The following ATP10D variants were observed in gnomAD, a reference collection of about 807,000 sequenced individuals.
ATP10D encodes phospholipid-transporting ATPase VD.
In ATP10D, 89 loss-of-function variants were observed where a neutral mutation model predicts 144.8. The observed-to-expected ratio is 0.61, with a 90% CI of 0.52 to 0.73. The LOEUF (loss-of-function observed/expected upper bound fraction) is 0.73, where lower values mean the gene tolerates loss of function less well. ATP10D is among the 30% of genes least tolerant of loss of function. ATP10D has a pLI of 0.00. For missense variants in ATP10D, 1,603 were observed against 1,714.8 expected, an observed-to-expected ratio of 0.93 and a Z score of 1.15; for synonymous variants, 571 against 615.1, an observed-to-expected ratio of 0.93 and a Z score of 1.06.
chr4:47,509,226 A>C (rs1390046107), intron 1 of ATP10D, among the ~76,000 whole-genome samples: 1 of 95,382 alleles, frequency 1.0e-5, no homozygotes, highest in Non-Finnish European at 2.1e-5. Context: ...TCAAACATTG[A>C]AAATATTATT....
intron 9 of ATP10D, among the ~76,000 whole-genome samples, chr4:47,540,225 G>A (rs1347792209): frequency 6.6e-6 from 1 of 152,062 alleles, no homozygotes; most frequent in Non-Finnish European, 1.5e-5. Context: ...AGTCCTTTAG[G>A]GTTTTCTGCA....
intron 3 of ATP10D, among the ~76,000 whole-genome samples, chr4:47,516,258 A>C (rs1490068689): frequency 6.6e-6 from 1 of 151,366 alleles, no homozygotes; most frequent in Non-Finnish European, 1.5e-5. Flanking sequence ...AAAAAAAAAA[A>C]GGAGGAGAAT....
chr4:47,558,427 G>A (rs529592088), intron 12 of ATP10D, among the ~76,000 whole-genome samples, 154 bp downstream of exon 12: 3 of 152,342 alleles, frequency 2.0e-5, no homozygotes, highest in African/African-American at 7.2e-5. Flanking sequence ...TGATGGGAAA[G>A]CAAGTAAGTT....
In ATP10D at chr4:47,581,957, T is replaced by C. The variant is rs755793880; in HGVS notation, c.3649-3T>C. On this transcript the variant is annotated splice_polypyrimidine_tract_variant and splice_region_variant and intron_variant, in intron 20 of 22. Transcript: ENST00000273859. ...AGGATCATCTAATGTCCTCTCTTTG[T>C]AGACCTACCAGGGCTCAGATACTGA... The C allele has an allele frequency of 2.0e-5, 33 of 1,611,988 alleles. No homozygotes were observed. The highest frequency in any genetic ancestry group is 6.7e-5 in the Admixed American group (4 of 60,012).
chr4:47,583,946 T>C (rs548490041), intron 21 of ATP10D, among the ~76,000 whole-genome samples: 1 of 152,324 alleles, frequency 6.6e-6, no homozygotes, highest in East Asian at 1.9e-4. Flanking sequence ...TGCCCCATTG[T>C]GCTCCAAGTC....
At chr4:47,495,305 G>T (rs976668539) in intron 1 of ATP10D, among the ~76,000 whole-genome samples, 3 of 151,726 alleles carry the variant, frequency 2.0e-5, no homozygotes, top group Non-Finnish European at 4.4e-5. Flanking sequence ...TGCATTTTAT[G>T]AAGTTGTGCT....
Position 47,568,843 on chromosome 4 carries a change from T to C in ATP10D, c.2860T>C (p.Cys954Arg). 6.2e-7 allele frequency: 1 copy of C among 1,613,010 alleles called. No homozygotes were observed. Among genetic ancestry groups the C allele is most frequent in the Non-Finnish European group, 8.5e-7 (1 of 1,179,202 alleles). ...FILNTQSKDA[C>R]GMLMSTILKE... is the part of the protein sequence containing the mutation. ...CTTTGCCTCTTGTTTCAAGGATGCCTGTGGGATGCTGATGAGCACAATTTT... is the reference window on the plus strand; with the variant it reads ...CTTTGCCTCTTGTTTCAAGGATGCCCGTGGGATGCTGATGAGCACAATTTT... The change falls in exon 16 of 23, where the codon TGT (cysteine) becomes CGT (arginine). Residue 954 changes from cysteine (C) to arginine (R), a missense_variant. By Grantham distance (180) the Cys-to-Arg change is radical (BLOSUM62 -3). Transcript: ENST00000273859.
intron 3 of ATP10D, among the ~76,000 whole-genome samples, chr4:47,521,161 C>G (rs1422103316): frequency 6.6e-6 from 1 of 152,190 alleles, no homozygotes; most frequent in Non-Finnish European, 1.5e-5. Flanking sequence ...CTGGAATCAA[C>G]TGCCATCTAT....
chr4:47,537,504 C>A (rs1717916115), intron 9 of ATP10D, among the ~76,000 whole-genome samples: 1 of 151,948 alleles, frequency 6.6e-6, no homozygotes, highest in Admixed American at 6.6e-5. Flanking sequence ...TTGAAGTGAA[C>A]AAAACAAATT....
intron 13 of ATP10D, among the ~76,000 whole-genome samples, chr4:47,560,439 G>A (rs1025780800): frequency 4.6e-5 from 7 of 152,036 alleles, no homozygotes; most frequent in African/African-American, 1.2e-4. Context: ...GTAGTGAGCC[G>A]AGATCAGGCC....
chr4:47,500,594 T>C (rs1252976269), intron 1 of ATP10D, among the ~76,000 whole-genome samples: 1 of 152,188 alleles, frequency 6.6e-6, no homozygotes, highest in African/African-American at 2.4e-5. Flanking sequence ...GCTGAGCATC[T>C]AGAAGAAGGG....
chr4:47,564,688 G>A (rs1166456642), intron 15 of ATP10D, among the ~76,000 whole-genome samples: 2 of 152,056 alleles, frequency 1.3e-5, no homozygotes, highest in Non-Finnish European at 2.9e-5. Context: ...TTTGCCTCCC[G>A]CTAATCTCTA....
chr4:47,575,157 T>C (rs1189200135), intron 18 of ATP10D, among the ~76,000 whole-genome samples: 1 of 152,054 alleles, frequency 6.6e-6, no homozygotes, highest in Non-Finnish European at 1.5e-5. Flanking sequence ...TACTAAGCCC[T>C]AAGGTAGTAT....
At chr4:47,509,427 C>T (rs1716195738) in intron 1 of ATP10D, among the ~76,000 whole-genome samples, 1 of 152,066 alleles carries the variant, frequency 6.6e-6, no homozygotes, top group Admixed American at 6.6e-5. Flanking sequence ...TTTGAATTGA[C>T]AAATACAAAT....
At chr4:47,571,650 C>T (rs2109463517) in intron 16 of ATP10D, among the ~76,000 whole-genome samples, 1 of 152,220 alleles carries the variant, frequency 6.6e-6, no homozygotes, top group South Asian at 2.1e-4. Context: ...ACCAGTAAGT[C>T]TGTATGCAAC....
In ATP10D at chr4:47,581,954, T is replaced by C. The variant is rs750063596; in HGVS notation, c.3649-6T>C. ...TCCAGGATCATCTAATGTCCTCTCTTTGTAGACCTACCAGGGCTCAGATAC... is the reference window on the plus strand; with the variant it reads ...TCCAGGATCATCTAATGTCCTCTCTCTGTAGACCTACCAGGGCTCAGATAC... On this transcript the variant is annotated splice_polypyrimidine_tract_variant and splice_region_variant and intron_variant, in intron 20 of 22. Transcript: ENST00000273859. 2.5e-6 allele frequency: 4 copies of C among 1,610,890 alleles called. No homozygotes were observed. Among genetic ancestry groups the C allele is most frequent in the Middle Eastern group, 1.7e-4 (1 of 6,054 alleles).
chr4:47,590,630 C>T (rs1313216845), intron 22 of ATP10D, among the ~76,000 whole-genome samples: 1 of 152,054 alleles, frequency 6.6e-6, no homozygotes, highest in Non-Finnish European at 1.5e-5. Flanking sequence ...TACAAAGGGA[C>T]ACGTTTGTGG....
At chr4:47,519,745 G>C (rs1716853371) in intron 3 of ATP10D, among the ~76,000 whole-genome samples, 1 of 152,152 alleles carries the variant, frequency 6.6e-6, no homozygotes, top group African/African-American at 2.4e-5. Context: ...CCAAGGCCCA[G>C]TGCCCTTCCT....
chr4:47,562,170 G>A (rs1415333726), intron 14 of ATP10D, among the ~76,000 whole-genome samples: 1 of 152,102 alleles, frequency 6.6e-6, no homozygotes, highest in African/African-American at 2.4e-5. Context: ...TTTTCCTGCA[G>A]AAATATTAAT....
Sources: allele counts gnomAD v4.1 joint callset (sites outside exome capture counted in the v4.1 genomes callset), GRCh38; gene constraint gnomAD v4.1.1; transcripts MANE v1.5; gene names NCBI Gene and HGNC (gene_info 2026-07-23, HGNC 2026-07-21).